CDH3: variants seen among roughly 807,000 people sequenced by gnomAD.
CDH3 encodes the protein cadherin-3.
Under a neutral mutation model 82.0 loss-of-function variants are expected in CDH3, and 54 were observed. The ratio of observed to expected loss-of-function variants is 0.66; its 90% CI spans 0.53 to 0.83. The LOEUF (loss-of-function observed/expected upper bound fraction) is 0.83, where lower values mean the gene tolerates loss of function less well. CDH3 is among the 40% of genes least tolerant of loss of function. The probability of loss-of-function intolerance (pLI) is 0.00; values close to 1 mark genes in which losing one functional copy is unlikely to be tolerated. For synonymous variants in CDH3, 446 were observed against 437.9 expected, an observed-to-expected ratio of 1.02 and a Z score of -0.23; for missense variants, 1,054 against 1,084.6, an observed-to-expected ratio of 0.97 and a Z score of 0.40.
In CDH3 at chr16:68,699,987, C is replaced by G. The variant is rs1961864491; in HGVS notation, c.*1587C>G. 1 of 152,174 alleles carries G rather than the reference C, an allele frequency of 6.6e-6. No individual in the cohort carries two copies. Among genetic ancestry groups the G allele is most frequent in the Admixed American group, 6.5e-5 (1 of 15,276 alleles). 9.4% of individuals were successfully genotyped at this position (152,174 alleles called of 1,614,324 possible). On this transcript the variant is annotated 3_prime_UTR_variant, in exon 16 of 16. Transcript: ENST00000264012. ...TTTCCTCTAAATCCTCACAATCACC[C>G]TCTGAGGGGACTTTCTCCTTTAAAG...
intron 15 of CDH3, among the ~76,000 whole-genome samples, chr16:68,697,240 C>T (rs1434348656): frequency 6.6e-6 from 1 of 151,796 alleles, no homozygotes; most frequent in Non-Finnish European, 1.5e-5. Context: ...AGGAGAATCG[C>T]TTGAACCCAG....
intron 2 of CDH3, among the ~76,000 whole-genome samples, chr16:68,675,676 C>G (rs1358625852): frequency 6.6e-6 from 1 of 151,896 alleles, no homozygotes; most frequent in African/African-American, 2.4e-5. Flanking sequence ...CGCCTGTAAC[C>G]CCAGCTACTC....
At chr16:68,670,256 G>A (rs1960851972) in intron 2 of CDH3, among the ~76,000 whole-genome samples, 1 of 147,786 alleles carries the variant, frequency 6.8e-6, no homozygotes, top group East Asian at 2.0e-4. Context: ...AACATCATTA[G>A]TACTTAAGTA....
intron 2 of CDH3, among the ~76,000 whole-genome samples, chr16:68,722,996 G>A (rs186003020): frequency 1.8e-3 from 277 of 150,376 alleles, no homozygotes; most frequent in African/African-American, 6.4e-3. Context: ...GTTTCACCAC[G>A]TTGGCCCAGC....
At chr16:68,723,480 T>C (rs1043772091) in intron 2 of CDH3, among the ~76,000 whole-genome samples, 6 of 152,176 alleles carry the variant, frequency 3.9e-5, no homozygotes, top group Non-Finnish European at 7.3e-5. Flanking sequence ...CTCAATATCA[T>C]GGTTCTTAGA....
chr16:68,704,660 G>A (rs1323715776), downstream of CDH3, among the ~76,000 whole-genome samples: 6 of 152,366 alleles, frequency 3.9e-5, no homozygotes, highest in Non-Finnish European at 8.8e-5. Flanking sequence ...CTGGGTGGCC[G>A]GAACGGCCTT....
intron 1 of CDH3, among the ~76,000 whole-genome samples, chr16:68,705,935 C>T (rs973251226): frequency 1.9e-4 from 28 of 151,268 alleles, no homozygotes; most frequent in African/African-American, 6.3e-4. Context: ...CGTGGTGGCA[C>T]GTGCCTGTAG....
At chr16:68,702,760 G>A (rs541666169), downstream of CDH3, among the ~76,000 whole-genome samples, 1 of 152,192 alleles carries the variant, frequency 6.6e-6, no homozygotes, top group East Asian at 1.9e-4. Context: ...AGCTACTCGG[G>A]AGGCTGAGGG....
chr16:68,728,453 A>G (rs1240519067), downstream of CDH3, among the ~76,000 whole-genome samples: 3 of 151,940 alleles, frequency 2.0e-5, no homozygotes, highest in East Asian at 3.9e-4. Flanking sequence ...GGCGTGAGCC[A>G]CCGCGCCTGG....
intron 3 of CDH3, among the ~76,000 whole-genome samples, chr16:68,677,732 C>T (rs756456380): frequency 3.9e-5 from 6 of 151,938 alleles, no homozygotes; most frequent in Non-Finnish European, 5.9e-5. Context: ...AGCGAGACTC[C>T]GTCTCAAAAA....
At chr16:68,713,234 TTA>T (rs1962052152) in intron 1 of CDH3, among the ~76,000 whole-genome samples, 1 of 152,174 alleles carries the variant, frequency 6.6e-6, no homozygotes, top group Admixed American at 6.6e-5. Flanking sequence ...CGCTTCACTT[TTA>T]TATGTCTCCC....
At chr16:68,683,786 G>A (rs2152102273) in intron 9 of CDH3, among the ~76,000 whole-genome samples, 1 of 151,748 alleles carries the variant, frequency 6.6e-6, no homozygotes, top group African/African-American at 2.4e-5. Flanking sequence ...AATTCGCTGG[G>A]GCCGGGCACG....
chr16:68,659,665 C>A (rs1441280411), intron 2 of CDH3, among the ~76,000 whole-genome samples: 1 of 150,752 alleles, frequency 6.6e-6, no homozygotes, highest in Non-Finnish European at 1.5e-5. Context: ...GCCTGGGTAA[C>A]AGAGCAAGAC....
chr16:68,657,980 T>C (rs1433783515), intron 2 of CDH3, among the ~76,000 whole-genome samples: 1 of 151,898 alleles, frequency 6.6e-6, no homozygotes, highest in East Asian at 1.9e-4. Flanking sequence ...TGCCTAAGAG[T>C]GCATGCGCAT....
rs1188789105 is a variant in CDH3, at chr16:68,685,255, G to C, written c.1475G>C (p.Ser492Thr). 1 of 1,614,208 alleles carries C rather than the reference G, an allele frequency of 6.2e-7. No homozygotes were observed. The highest frequency in any genetic ancestry group is 8.5e-7 in the Non-Finnish European group (1 of 1,180,048). Residue 492 changes from serine to threonine, a missense_variant, in exon 11 of 16, where the codon AGT (serine) becomes ACT (threonine). Transcript: ENST00000264012. ...GGGTGGCTAGCCATGGACCCAGACAGTGGGCAGGTCACAGCTGTGGGCACC... is the reference window on the plus strand; with the variant it reads ...GGGTGGCTAGCCATGGACCCAGACACTGGGCAGGTCACAGCTGTGGGCACC... Reference protein sequence around the residue: ...PAGWLAMDPDSGQVTAVGTLD... With the variant: ...PAGWLAMDPDTGQVTAVGTLD...
Position 68,645,623 on chromosome 16 carries a change from C to T in CDH3, c.46-13C>T, listed in dbSNP as rs1255269452. Reference sequence around the variant, plus strand: ...TGGACCCAGCCTCCTTCACTCTCTGCCCTCGGGCGCAGGTTTGCTGGCTGC... The same window carrying T: ...TGGACCCAGCCTCCTTCACTCTCTGTCCTCGGGCGCAGGTTTGCTGGCTGC... On this transcript the variant is annotated splice_polypyrimidine_tract_variant and intron_variant, in intron 1 of 15. Transcript: ENST00000264012. 3 of 1,538,728 alleles carry T rather than the reference C, an allele frequency of 1.9e-6. No homozygotes were observed. Among genetic ancestry groups the T allele is most frequent in the Admixed American group, 2.0e-5 (1 of 50,982 alleles).
rs576190086 is a variant in CDH3, at chr16:68,698,379, C to T, written c.2469C>T (p.Tyr823=). 4.6e-5 allele frequency: 75 copies of T among 1,614,102 alleles called. No homozygotes were observed. The East Asian group carries it at 1.3e-3, about 28-fold the overall frequency. The change falls in exon 16 of 16, where the codon TAC becomes TAT. Residue 823 remains tyrosine, a synonymous_variant. Coordinates refer to ENST00000264012, the MANE Select transcript of CDH3 (RefSeq NM_001793.6). ...GSRFKKLADM[Y]GGGEDD ...GCTTCAAGAAGCTGGCAGACATGTA[C>T]GGTGGCGGGGAGGACGACTAGGCGG... is the stretch of plus-strand genomic sequence containing the variant.
chr16:68,682,605 C>T lies in CDH3; in HGVS notation c.1182+118C>T. ...TCCAGGAATCGTACCAGCCCAGTGGCTCCCAACACTGTTCTACCACTCTTG... is the reference window on the plus strand; with the variant it reads ...TCCAGGAATCGTACCAGCCCAGTGGTTCCCAACACTGTTCTACCACTCTTG... On this transcript the variant is annotated intron_variant, in intron 9 of 15. Coordinates refer to ENST00000264012, the MANE Select transcript of CDH3 (RefSeq NM_001793.6). 2.2e-6 allele frequency: 2 copies of T among 905,522 alleles called. 1 individual carries two copies. The highest frequency in any genetic ancestry group is 3.6e-6 in the Non-Finnish European group (2 of 554,166). The allele number at this position is 905,522 out of a possible 1,614,324, so 56.1% of individuals were successfully genotyped here.
chr16:68,682,206 C>A, intron 8 of CDH3, 96 bp from the exon 9 acceptor site: 1 of 1,370,840 alleles, frequency 7.3e-7, no homozygotes. Context: ...AGGGTAAAGG[C>A]ATGGGGATCC....
Sources: allele counts gnomAD v4.1 joint callset (sites outside exome capture counted in the v4.1 genomes callset), GRCh38; gene constraint gnomAD v4.1.1; transcripts MANE v1.5; gene names NCBI Gene and HGNC (gene_info 2026-07-23, HGNC 2026-07-21).